HK2: variants seen among roughly 807,000 people sequenced by gnomAD.
HK2 encodes the protein hexokinase-2.
Under a neutral mutation model 92.9 loss-of-function variants are expected in HK2, and 42 were observed. The ratio of observed to expected loss-of-function variants is 0.45; its 90% CI spans 0.35 to 0.58. The LOEUF (loss-of-function observed/expected upper bound fraction) is 0.58. Ranked by LOEUF, HK2 falls within the 20% of genes least tolerant of loss-of-function variation. The probability of loss-of-function intolerance (pLI) is 0.00; values close to 1 mark genes in which losing one functional copy is unlikely to be tolerated. For synonymous variants in HK2, 422 were observed against 468.0 expected (o/e 0.90, Z 1.27); for missense variants, 978 against 1,245.1 (o/e 0.79, Z 3.23).
intron 12 of HK2, among the ~76,000 whole-genome samples, chr2:74,884,596 C>A (rs1046045614): frequency 6.6e-6 from 1 of 152,222 alleles, no homozygotes; most frequent in Non-Finnish European, 1.5e-5. Context: ...CACAGTGTGA[C>A]ACCTCCAGGT....
intron 1 of HK2, among the ~76,000 whole-genome samples, chr2:74,849,924 G>C (rs1349349321): frequency 6.6e-6 from 1 of 152,202 alleles, no homozygotes; most frequent in Admixed American, 6.5e-5. Flanking sequence ...ATCAAGGGTT[G>C]ACCTGAATGA....
intron 2 of HK2, among the ~76,000 whole-genome samples, chr2:74,857,783 C>G (rs1164746655): frequency 6.6e-6 from 1 of 152,184 alleles, no homozygotes; most frequent in African/African-American, 2.4e-5. Context: ...TTGATACAGA[C>G]TATCAAAAAT....
chr2:74,882,611 A>ATATATATATATATATATATATATC (rs1689429997), intron 12 of HK2, among the ~76,000 whole-genome samples: 1 of 133,562 alleles, frequency 7.5e-6, no homozygotes, highest in Non-Finnish European at 1.6e-5. Context: ...GAACTTATAT[A>ATATATATATATATATATATATATC]TATATATATA....
At chr2:74,835,614 T>TGGGGCC (rs1411216704) in intron 1 of HK2, among the ~76,000 whole-genome samples, 3 of 129,938 alleles carry the variant, frequency 2.3e-5, no homozygotes, top group Non-Finnish European at 3.3e-5. Context: ...GGGGTGGGGA[T>TGGGGCC]GGGGCCGGGG....
At chr2:74,882,578 C>T in intron 12 of HK2, among the ~76,000 whole-genome samples, 1 of 89,490 alleles carries the variant, frequency 1.1e-5, no homozygotes, top group Non-Finnish European at 2.5e-5. Context: ...GCCTAGGCAA[C>T]ATAGGAAGAC....
At chr2:74,887,170 T>A (rs1689559459) in intron 15 of HK2, among the ~76,000 whole-genome samples, 1 of 152,226 alleles carries the variant, frequency 6.6e-6, no homozygotes, top group African/African-American at 2.4e-5. Flanking sequence ...TTGTCTGTAG[T>A]GTTTCCTAAC....
At chr2:74,889,121 G>C (rs1184400722) in intron 16 of HK2, 124 bp from the exon 17 acceptor site, 5 of 778,664 alleles carry the variant, frequency 6.4e-6, no homozygotes, top group Non-Finnish European at 1.1e-5. Context: ...CCACCTCGAG[G>C]GGCCAGCTCC....
chr2:74,852,124 C>G (rs1688585279), intron 1 of HK2, among the ~76,000 whole-genome samples: 1 of 152,208 alleles, frequency 6.6e-6, no homozygotes, highest in African/African-American at 2.4e-5. Context: ...CTAATGGGAG[C>G]AAACCCGGAG....
chr2:74,849,609 C>T (rs1049155979), intron 1 of HK2, among the ~76,000 whole-genome samples: 5 of 152,174 alleles, frequency 3.3e-5, no homozygotes, highest in Non-Finnish European at 5.9e-5. Flanking sequence ...GGGAAACAGC[C>T]TCTGCTTTGT....
rs756776108 is a variant in HK2 at position 74,882,105 on chromosome 2, A to G, written c.1720-15A>G. On this transcript the variant is annotated splice_polypyrimidine_tract_variant and intron_variant, in intron 11 of 17. Coordinates refer to ENST00000290573, the MANE Select transcript of HK2 (RefSeq NM_000189.5). ...CCCAGGGCCCCTCCCTCAGTGTCCT[A>G]ACTTCTCCCTGCAGCTCTTTGACCA... is the stretch of plus-strand genomic sequence containing the variant. The G allele has an allele frequency of 6.2e-6, 10 of 1,613,872 alleles. No individual in the cohort carries two copies. The highest frequency in any genetic ancestry group is 8.5e-6 in the Non-Finnish European group (10 of 1,179,892).
intron 2 of HK2, among the ~76,000 whole-genome samples, chr2:74,856,842 ATG>A (rs1322824595): frequency 6.6e-6 from 1 of 152,238 alleles, no homozygotes; most frequent in African/African-American, 2.4e-5. Flanking sequence ...GTGTTCATGT[ATG>A]TGTTAGCCTG....
At chr2:74,881,932 T>C (rs1051920959) in intron 11 of HK2, 73 bp downstream of exon 11, 2 of 1,552,242 alleles carry the variant, frequency 1.3e-6, no homozygotes, top group African/African-American at 2.7e-5. Flanking sequence ...CAGTGCTTTC[T>C]CTGCTCATCT....
chr2:74,850,528 A>G (rs1317266415), intron 1 of HK2, among the ~76,000 whole-genome samples: 1 of 152,100 alleles, frequency 6.6e-6, no homozygotes, highest in East Asian at 1.9e-4. Context: ...CGAACTAGTT[A>G]CCCTAAGGGC....
chr2:74,873,855 C>T lies in HK2; in HGVS notation c.603C>T (p.Ile201=), dbSNP rs146408073. The T allele has an allele frequency of 2.1e-3, 3,319 of 1,613,416 alleles. 3 individuals are homozygous for T. Among genetic ancestry groups the T allele is most frequent in the Non-Finnish European group, 2.5e-3 (2,900 of 1,179,550 alleles). ...ATTTGTCTCCACAGGACTTTGATAT[C>T]GACATTGTGGCTGTGGTGAATGACA... ...KAIQRRGDFD[I]DIVAVVNDTV... is the part of the protein sequence containing the mutation. The change falls in exon 6 of 18, where the codon ATC becomes ATT. Residue 201 remains isoleucine (I), a synonymous_variant. Coordinates refer to ENST00000290573, the MANE Select transcript of HK2 (RefSeq NM_000189.5).
At chr2:74,880,636 G>T (rs1689365206) in intron 10 of HK2, 67 bp downstream of exon 10, 8 of 1,486,254 alleles carry the variant, frequency 5.4e-6, no homozygotes, top group Non-Finnish European at 7.4e-6. Flanking sequence ...ACCCTGGGAG[G>T]GATCCCTTAG....
At chr2:74,852,483 A>G (rs930203534) in intron 1 of HK2, among the ~76,000 whole-genome samples, 1 of 152,132 alleles carries the variant, frequency 6.6e-6, no homozygotes, top group African/African-American at 2.4e-5. Flanking sequence ...GGAGCCTCAA[A>G]TGTCCTTGTT....
intron 1 of HK2, among the ~76,000 whole-genome samples, chr2:74,844,872 TACTTGTCA>T (rs1056907937): frequency 3.9e-4 from 59 of 152,334 alleles, no homozygotes; most frequent in African/African-American, 1.3e-3. Context: ...TTCACCAAGT[TACTTGTCA>T]ACTTTTCTCT....
chr2:74,875,429 A>G (rs1689205462), intron 7 of HK2, among the ~76,000 whole-genome samples: 1 of 150,846 alleles, frequency 6.6e-6, no homozygotes, highest in Non-Finnish European at 1.5e-5. Context: ...CCCGGGTTCA[A>G]GCGATTCTCC....
At position 74,881,867 on chromosome 2, in the gene HK2, G is replaced by T. The variant is rs777290582; in HGVS notation, c.1719+8G>T. The T allele has an allele frequency of 1.2e-6, 2 of 1,613,950 alleles. No homozygotes were observed. The highest frequency in any genetic ancestry group is 1.7e-5 in the Admixed American group (1 of 60,016). ...CACGGCACCGGGGACGAGGTGAGCA[G>T]GGCGGCGCCTTCAGGAGGGGGCCCC... On this transcript the variant is annotated splice_region_variant and intron_variant, in intron 11 of 17. Transcript: ENST00000290573.
Sources: allele counts gnomAD v4.1 joint callset (sites outside exome capture counted in the v4.1 genomes callset), GRCh38; gene constraint gnomAD v4.1.1; transcripts MANE v1.5; gene names NCBI Gene and HGNC (gene_info 2026-07-23, HGNC 2026-07-21).